The following MYO18A variants were observed in gnomAD, a reference collection of about 807,000 sequenced individuals.
MYO18A encodes the protein unconventional myosin-XVIIIa.
A neutral mutation model predicts 235.8 loss-of-function variants in MYO18A; 78 were observed. That is an observed-to-expected ratio of 0.33 (90% CI 0.28 to 0.40). The LOEUF is 0.40. Ranked by LOEUF, MYO18A falls within the 10% of genes least tolerant of loss-of-function variation. The pLI is 1.00. For synonymous variants in MYO18A, 977 were observed against 1,077.8 expected, an observed-to-expected ratio of 0.91 and a Z score of 1.83; for missense variants, 2,215 against 2,699.3, an observed-to-expected ratio of 0.82 and a Z score of 3.98.
chr17:29,118,423 T>C lies in MYO18A; in HGVS notation c.1847A>G (p.Asn616Ser), dbSNP rs1432474273. ...DGTLRTELHL[N>S]HLAENNVFGI... ...AAACACATTGTTCTCTGCCAAGTGG[T>C]TGAGGTGGAGCTCTGTCCTAGGGGT... Residue 616 changes from asparagine (N) to serine (S), a missense_variant, in exon 9 of 42, where the codon AAC becomes AGC. Physicochemically the swap from Asn to Ser is conservative, Grantham distance 46. Transcript: ENST00000527372. This position sits in a 1 kb window ranked among gnomAD's most constrained non-coding sequence, Gnocchi z 4.2. 1 of 1,606,488 alleles carries C rather than the reference T, an allele frequency of 6.2e-7. No individual in the cohort carries two copies. The highest frequency in any genetic ancestry group is 1.3e-5 in the African/African-American group (1 of 74,916).
At chr17:29,144,919 T>C (rs974261736) in intron 2 of MYO18A, among the ~76,000 whole-genome samples, 34 of 152,184 alleles carry the variant, frequency 2.2e-4, no homozygotes, top group Admixed American at 8.5e-4. Flanking sequence ...ACACATGATT[T>C]TGAGTATGCC....
At chr17:29,177,918 A>G (rs2068568408) in intron 1 of MYO18A, among the ~76,000 whole-genome samples, 1 of 152,164 alleles carries the variant, frequency 6.6e-6, no homozygotes, top group Non-Finnish European at 1.5e-5. Flanking sequence ...GCTGCCCTGA[A>G]GACCTGTGAC....
Position 29,074,775 on chromosome 17 carries a change from C to A in MYO18A, c.6160G>T (p.Ala2054Ser), listed in dbSNP as rs182732022. 22 of 1,613,904 alleles carry A rather than the reference C, an allele frequency of 1.4e-5. No homozygotes were observed. Among genetic ancestry groups the A allele is most frequent in the Non-Finnish European group, 1.8e-5 (21 of 1,179,870 alleles). ...DTEAKLTETNA is the reference protein window; with the variant it reads ...DTEAKLTETNS ...CTGCCAACCACTCCCCTGGGCTATGCGTTAGTCTCCGTCAGCTTGGCCTCT... is the reference window on the plus strand; with the variant it reads ...CTGCCAACCACTCCCCTGGGCTATGAGTTAGTCTCCGTCAGCTTGGCCTCT... The change falls in exon 42 of 42, where the codon GCA becomes TCA. Residue 2054 changes from alanine (A) to serine (S), a missense_variant. Coordinates refer to ENST00000527372, the MANE Select transcript of MYO18A (RefSeq NM_078471.4). This position sits in a 1 kb window ranked among gnomAD's most constrained non-coding sequence, Gnocchi z 4.4.
intron 2 of MYO18A, among the ~76,000 whole-genome samples, chr17:29,133,478 TC>T (rs1312629556): frequency 6.6e-6 from 1 of 152,092 alleles, no homozygotes; most frequent in Non-Finnish European, 1.5e-5. Context: ...CAGCCCACGT[TC>T]CAGGGGTGAG....
rs554594409 is a variant in MYO18A at position 29,141,037 on chromosome 17, C to G, written c.1000-18784G>C. On this transcript the variant is annotated intron_variant, in intron 2 of 41. Coordinates refer to ENST00000527372, the MANE Select transcript of MYO18A (RefSeq NM_078471.4). ...GCAGAGACCCACACGGGCAGGCCCA[C>G]TTACTGCCCCACTGCCATCAGCACA... Among the ~76,000 whole-genome samples the G allele has an allele frequency of 3.3e-5, 5 of 152,368 alleles. No homozygotes were observed. In the South Asian group the frequency reaches 1.0e-3, roughly 32 times the overall value.
chr17:29,180,243 G>A lies in MYO18A; in HGVS notation c.-82+70C>T, dbSNP rs1462526739. ...CGCCCGCCCGCCCTCCCTCCCGGCC[G>A]GAGCCCGCCCCGCCGCCCCACCAAG... On this transcript the variant is annotated intron_variant, in intron 1 of 41. Transcript: ENST00000527372. The surrounding 1 kb of genome is among the most constrained non-coding windows in gnomAD (Gnocchi z 6.1). 3.8e-5 allele frequency: 4 copies of A among 106,006 alleles called. No homozygotes were observed. Among genetic ancestry groups the A allele is most frequent in the Non-Finnish European group, 7.8e-5 (4 of 51,332 alleles). The allele number at this position is 106,006 out of a possible 1,614,324, so 6.6% of individuals were successfully genotyped here.
At chr17:29,147,532 A>C (rs1055295010) in intron 2 of MYO18A, among the ~76,000 whole-genome samples, 13 of 151,618 alleles carry the variant, frequency 8.6e-5, no homozygotes, top group African/African-American at 3.2e-4. Flanking sequence ...AAAACAAAAA[A>C]CAAAAACCAA....
intron 2 of MYO18A, among the ~76,000 whole-genome samples, chr17:29,152,207 C>T (rs1175297890): frequency 1.3e-5 from 2 of 152,200 alleles, no homozygotes; most frequent in African/African-American, 2.4e-5. Context: ...GACTGTCTTT[C>T]TGTTTTATGC....
At chr17:29,157,181 C>A (rs954309313) in intron 2 of MYO18A, among the ~76,000 whole-genome samples, 11 of 152,202 alleles carry the variant, frequency 7.2e-5, no homozygotes, top group Non-Finnish European at 1.5e-4. Context: ...TCAAATGCTG[C>A]CAATGTAGGT....
At chr17:29,096,216 T>C (rs2066515966) in intron 28 of MYO18A, among the ~76,000 whole-genome samples, 1 of 152,190 alleles carries the variant, frequency 6.6e-6, no homozygotes, top group Admixed American at 6.5e-5. Context: ...GGCGCCCTGC[T>C]GTTCCTAGGG....
At chr17:29,160,237 T>C (rs2152965778) in intron 2 of MYO18A, among the ~76,000 whole-genome samples, 1 of 152,360 alleles carries the variant, frequency 6.6e-6, no homozygotes, top group Non-Finnish European at 1.5e-5. Flanking sequence ...AAGTCTCCTT[T>C]CAGCCTGCAA....
intron 2 of MYO18A, among the ~76,000 whole-genome samples, chr17:29,148,984 G>A (rs1361209676): frequency 2.0e-5 from 3 of 152,232 alleles, no homozygotes; most frequent in African/African-American, 2.4e-5. Context: ...CAGCACATGC[G>A]CCTAGAGCCC....
At chr17:29,163,722 A>G (rs1730993645) in intron 2 of MYO18A, among the ~76,000 whole-genome samples, 1 of 152,232 alleles carries the variant, frequency 6.6e-6, no homozygotes, top group South Asian at 2.1e-4. Context: ...AAAACCAAAC[A>G]GCATCTGGGA....
At chr17:29,084,344 A>C (rs952069014) in intron 40 of MYO18A, among the ~76,000 whole-genome samples, 1 of 152,212 alleles carries the variant, frequency 6.6e-6, no homozygotes, top group Non-Finnish European at 1.5e-5. Flanking sequence ...TGGGCCCAGA[A>C]TATGAATTTT....
intron 2 of MYO18A, among the ~76,000 whole-genome samples, chr17:29,154,134 G>A (rs1027741694): frequency 3.9e-5 from 6 of 152,068 alleles, no homozygotes; most frequent in Non-Finnish European, 8.8e-5. Context: ...GCGCGCGTGC[G>A]TGTGTATGTG....
At chr17:29,087,766 G>A (rs1040273406) in intron 37 of MYO18A, among the ~76,000 whole-genome samples, 2 of 151,720 alleles carry the variant, frequency 1.3e-5, no homozygotes, top group Non-Finnish European at 2.9e-5. Context: ...AAATAAAAGA[G>A]CCAGGCTGCA....
At chr17:29,079,578 T>C in intron 41 of MYO18A, 1 of 413,406 alleles carries the variant, frequency 2.4e-6, no homozygotes, top group Non-Finnish European at 3.3e-6. Context: ...TGGCCCCTGC[T>C]CATCAAGGCA....
rs547187287 is a variant in MYO18A, at chr17:29,126,352, C to T, written c.1000-4099G>A. Among the ~76,000 whole-genome samples the T allele has an allele frequency of 2.6e-4, 39 of 151,870 alleles. No individual in the cohort carries two copies. Among genetic ancestry groups the T allele is most frequent in the African/African-American group, 8.2e-4 (34 of 41,378 alleles). ...GAGGAGGGAGGGGAGGGCAGCCGCCCGGGAACAGGACCACGACACTCCCCA... is the reference window on the plus strand; with the variant it reads ...GAGGAGGGAGGGGAGGGCAGCCGCCTGGGAACAGGACCACGACACTCCCCA... On this transcript the variant is annotated intron_variant, in intron 2 of 41. Coordinates refer to ENST00000527372, the MANE Select transcript of MYO18A (RefSeq NM_078471.4). This position sits in a 1 kb window ranked among gnomAD's most constrained non-coding sequence, Gnocchi z 4.1.
chr17:29,093,668 C>T (rs1450784462), intron 31 of MYO18A, among the ~76,000 whole-genome samples: 1 of 152,006 alleles, frequency 6.6e-6, no homozygotes, highest in South Asian at 2.1e-4. Context: ...AGAGACCTTG[C>T]CGCATGGTGG....
Sources: allele counts gnomAD v4.1 joint callset (sites outside exome capture counted in the v4.1 genomes callset), GRCh38; gene constraint gnomAD v4.1.1; non-coding constraint Gnocchi (gnomAD v3.1); transcripts MANE v1.5; gene names NCBI Gene and HGNC (gene_info 2026-07-23, HGNC 2026-07-21).